The following CNTN3 variants were observed in gnomAD, a reference collection of about 807,000 sequenced individuals.
CNTN3 encodes the protein contactin 3.
A neutral mutation model predicts 119.1 loss-of-function variants in CNTN3; 60 were observed. The ratio of observed to expected loss-of-function variants is 0.50; its 90% CI spans 0.41 to 0.62. The LOEUF is 0.62. Among genes scored for constraint, CNTN3 ranks in the 20% least tolerant of loss-of-function variants. The pLI, the probability that CNTN3 is intolerant of heterozygous loss-of-function variation, is 0.00. For missense variants in CNTN3, 1,101 were observed against 1,242.4 expected (o/e 0.89, Z 1.71); for synonymous variants, 450 against 438.7 (o/e 1.03, Z -0.32).
chr3:74,444,285 G>A lies in CNTN3; in HGVS notation c.359-19345C>T, dbSNP rs561061799. ...AGGACTTCATCATGTCTCTTATTGG[G>A]GGGGTTGGGGGCACAATTCAACTCA... On this transcript the variant is annotated intron_variant, in intron 4 of 22. Coordinates refer to ENST00000263665, the MANE Select transcript of CNTN3 (RefSeq NM_020872.3). 2.9e-4 allele frequency among the ~76,000 whole-genome samples: 44 copies of A among 151,996 alleles called. No individual in the cohort carries two copies. The Middle Eastern group carries it at 0.01, about 35-fold the overall frequency.
chr3:74,552,343 A>G (rs1306978800), intron 1 of CNTN3, among the ~76,000 whole-genome samples: 1 of 152,192 alleles, frequency 6.6e-6, no homozygotes, highest in Admixed American at 6.5e-5. Flanking sequence ...ATCTTTCGGA[A>G]AGAGTATGCC....
intron 1 of CNTN3, among the ~76,000 whole-genome samples, chr3:74,540,932 T>C (rs1703834560): frequency 6.6e-6 from 1 of 152,166 alleles, no homozygotes; most frequent in Non-Finnish European, 1.5e-5. Context: ...ATTTCTTCTA[T>C]CAAAATACTT....
chr3:74,531,351 A>G (rs1703690545), intron 1 of CNTN3, among the ~76,000 whole-genome samples: 1 of 151,938 alleles, frequency 6.6e-6, no homozygotes, highest in South Asian at 2.1e-4. Context: ...AAAGACTAGA[A>G]AGCTGACTTA....
At chr3:74,485,040 C>T (rs1047170009) in intron 4 of CNTN3, among the ~76,000 whole-genome samples, 2 of 152,100 alleles carry the variant, frequency 1.3e-5, no homozygotes, top group Non-Finnish European at 2.9e-5. Context: ...AACATGGATA[C>T]ATCATAGATT....
intron 3 of CNTN3, among the ~76,000 whole-genome samples, chr3:74,494,720 T>C (rs746159927): frequency 6.6e-6 from 1 of 152,160 alleles, no homozygotes; most frequent in Non-Finnish European, 1.5e-5. Context: ...TTTTTACCTT[T>C]ATACCACTTT....
intron 5 of CNTN3, among the ~76,000 whole-genome samples, chr3:74,378,754 G>T: frequency 6.6e-6 from 1 of 152,202 alleles, no homozygotes; most frequent in East Asian, 1.9e-4. Flanking sequence ...TTAAGAAAAG[G>T]TTTGTTGAAC....
rs574703563 is a variant in CNTN3, at chr3:74,495,810, T to C, written c.182+3849A>G. Among the ~76,000 whole-genome samples, 29 of 152,152 alleles carry C rather than the reference T, an allele frequency of 1.9e-4. 1 individual carries two copies. In the South Asian group the frequency reaches 5.6e-3, roughly 29 times the overall value. ...AAAGACCTCCACTTTGCAATGATAT[T>C]TAGCCCTTACAACTTCTGTATCCAA... On this transcript the variant is annotated intron_variant, in intron 3 of 22. Coordinates refer to ENST00000263665, the MANE Select transcript of CNTN3 (RefSeq NM_020872.3).
intron 1 of CNTN3, among the ~76,000 whole-genome samples, chr3:74,596,716 C>G (rs941458554): frequency 6.6e-6 from 1 of 151,922 alleles, no homozygotes; most frequent in African/African-American, 2.4e-5. Context: ...CCAAAAAACA[C>G]CTCAAAATAC....
At chr3:74,347,602 A>T (rs561443738) in intron 11 of CNTN3, among the ~76,000 whole-genome samples, 3 of 152,266 alleles carry the variant, frequency 2.0e-5, no homozygotes, top group South Asian at 2.1e-4. Context: ...TGGCTAAAAA[A>T]ATTTTATCTT....
chr3:74,545,905 A>G (rs1327545931), intron 1 of CNTN3, among the ~76,000 whole-genome samples: 1 of 152,154 alleles, frequency 6.6e-6, no homozygotes, highest in East Asian at 1.9e-4. Flanking sequence ...CTAGGGTCCA[A>G]TCTCTGCTCC....
chr3:74,459,035 G>A (rs1282978350), intron 4 of CNTN3, among the ~76,000 whole-genome samples: 1 of 151,988 alleles, frequency 6.6e-6, no homozygotes, highest in African/African-American at 2.4e-5. Context: ...AGAATTACCT[G>A]CTTCATGTGA....
At chr3:74,575,165 T>G (rs1467434441) in intron 1 of CNTN3, among the ~76,000 whole-genome samples, 1 of 152,076 alleles carries the variant, frequency 6.6e-6, no homozygotes, top group Non-Finnish European at 1.5e-5. Flanking sequence ...GCTCAAGCAA[T>G]CCTCTCACCT....
chr3:74,459,617 C>T (rs1022485520), intron 4 of CNTN3, among the ~76,000 whole-genome samples: 2 of 151,996 alleles, frequency 1.3e-5, no homozygotes, highest in Non-Finnish European at 2.9e-5. Context: ...TTTCCTATCA[C>T]TAAGGCTTTG....
intron 4 of CNTN3, among the ~76,000 whole-genome samples, chr3:74,428,664 A>C (rs543635068): frequency 6.6e-6 from 1 of 152,178 alleles, no homozygotes; most frequent in Non-Finnish European, 1.5e-5. Context: ...TATCACTGAA[A>C]CATATTTTTA....
At chr3:74,577,878 C>A (rs564795538) in intron 1 of CNTN3, among the ~76,000 whole-genome samples, 1 of 152,132 alleles carries the variant, frequency 6.6e-6, no homozygotes, top group East Asian at 1.9e-4. Flanking sequence ...ACATGCCTGG[C>A]ACAAGGCAAG....
intron 3 of CNTN3, among the ~76,000 whole-genome samples, chr3:74,499,300 A>G (rs1703120540): frequency 6.6e-6 from 1 of 151,954 alleles, no homozygotes; most frequent in Non-Finnish European, 1.5e-5. Flanking sequence ...GGTGGCACAC[A>G]GAAGTATTTG....
intron 5 of CNTN3, among the ~76,000 whole-genome samples, chr3:74,375,860 G>T (rs1328982625): frequency 6.6e-6 from 1 of 152,212 alleles, no homozygotes; most frequent in Non-Finnish European, 1.5e-5. Context: ...ATAAATTTGT[G>T]TTGTAGTAAT....
At chr3:74,449,412 AT>A (rs1268017532) in intron 4 of CNTN3, among the ~76,000 whole-genome samples, 5 of 152,008 alleles carry the variant, frequency 3.3e-5, no homozygotes, top group Non-Finnish European at 7.4e-5. Context: ...ATCAAAAAAA[AT>A]GGCAATTGTT....
At chr3:74,504,835 T>A (rs780036519) in intron 2 of CNTN3, among the ~76,000 whole-genome samples, 1 of 152,086 alleles carries the variant, frequency 6.6e-6, no homozygotes, top group East Asian at 1.9e-4. Context: ...ATGAGACCAC[T>A]AAAAGCCCAA....
Sources: allele counts gnomAD v4.1 joint callset (sites outside exome capture counted in the v4.1 genomes callset), GRCh38; gene constraint gnomAD v4.1.1; transcripts MANE v1.5; gene names NCBI Gene and HGNC (gene_info 2026-07-23, HGNC 2026-07-21).